The following TMEM9 variants were observed in gnomAD, a reference collection of about 807,000 sequenced individuals.
TMEM9 encodes the protein proton-transporting V-type ATPase complex assembly regulator TMEM9.
In TMEM9, 13 loss-of-function variants were observed where a neutral mutation model predicts 22.8. The observed-to-expected ratio is 0.57, with a 90% CI of 0.37 to 0.91. The LOEUF (loss-of-function observed/expected upper bound fraction) is 0.91. Ranked by LOEUF, TMEM9 falls within the 40% of genes least tolerant of loss-of-function variation. TMEM9 has a pLI of 0.01. For missense variants in TMEM9, 182 were observed against 238.1 expected, an observed-to-expected ratio of 0.76 and a Z score of 1.55; for synonymous variants, 88 against 93.0, an observed-to-expected ratio of 0.95 and a Z score of 0.31.
intron 1 of TMEM9, among the ~76,000 whole-genome samples, chr1:201,161,212 T>A (rs1665940019): frequency 6.6e-6 from 1 of 152,222 alleles, no homozygotes; most frequent in South Asian, 2.1e-4. Flanking sequence ...CATCTGGTTC[T>A]GCCTTCAGTC....
rs1409518793 is a variant in TMEM9, at chr1:201,167,285, G to A, written c.-37+4205C>T. 2.6e-5 allele frequency among the ~76,000 whole-genome samples: 4 copies of A among 152,232 alleles called. No homozygotes were observed. The East Asian group carries it at 7.7e-4, about 29-fold the overall frequency. On this transcript the variant is annotated intron_variant, in intron 1 of 5. Coordinates refer to the TMEM9 transcript ENST00000367333. The stretch of plus-strand genomic sequence containing the variant: ...TATTACTCAAATCAGTCTCTCTGAA[G>A]GCTCAGAGGTTAGGAGTTTTTCAAA...
At chr1:201,170,661 A>C (rs1478401362) in intron 1 of TMEM9, among the ~76,000 whole-genome samples, 1 of 152,212 alleles carries the variant, frequency 6.6e-6, no homozygotes, top group Non-Finnish European at 1.5e-5. Context: ...AGACTCATTA[A>C]GTCAGTGCAA....
At chr1:201,150,755 C>G (rs1339668806) in intron 2 of TMEM9, among the ~76,000 whole-genome samples, 2 of 152,198 alleles carry the variant, frequency 1.3e-5, no homozygotes, top group Non-Finnish European at 2.9e-5. Flanking sequence ...CCTCCCCTCA[C>G]CCTCACTCCG....
intron 2 of TMEM9, among the ~76,000 whole-genome samples, chr1:201,150,420 C>A (rs1242469586): frequency 6.6e-6 from 1 of 152,160 alleles, no homozygotes; most frequent in Non-Finnish European, 1.5e-5. Flanking sequence ...AGGTATTGTT[C>A]TAAGTGCTAT....
chr1:201,167,090 T>A (rs915059366), intron 1 of TMEM9, among the ~76,000 whole-genome samples: 1 of 152,264 alleles, frequency 6.6e-6, no homozygotes, highest in African/African-American at 2.4e-5. Context: ...ACAATTTGTA[T>A]AGGATAAAGT....
chr1:201,159,700 G>A (rs1193123085), intron 1 of TMEM9, among the ~76,000 whole-genome samples: 1 of 151,248 alleles, frequency 6.6e-6, no homozygotes, highest in Non-Finnish European at 1.5e-5. Context: ...GCATAAGCCC[G>A]TACGCCTGTC....
chr1:201,146,679 A>T (rs778690005), intron 3 of TMEM9, 61 bp downstream of exon 3: 101 of 1,503,636 alleles, frequency 6.7e-5, no homozygotes, highest in Non-Finnish European at 8.9e-5. Flanking sequence ...GGTGTAGGCC[A>T]GTCTGCGATT....
chr1:201,152,594 T>G (rs1191922881), intron 1 of TMEM9, among the ~76,000 whole-genome samples: 2 of 152,196 alleles, frequency 1.3e-5, no homozygotes, highest in African/African-American at 4.8e-5. Context: ...TAATGGAAAC[T>G]TCAAACTGTA....
chr1:201,151,623 G>C (rs1390096733), intron 2 of TMEM9, 138 bp downstream of exon 2: 1 of 683,912 alleles, frequency 1.5e-6, no homozygotes, highest in African/African-American at 1.8e-5. Flanking sequence ...TTGGTTCTGT[G>C]ACATGAATAA....
Position 201,154,372 on chromosome 1 carries a change from G to C in TMEM9, c.-449C>G, listed in dbSNP as rs7541591. 6,244 of 168,462 alleles carry C rather than the reference G, an allele frequency of 0.037. 410 individuals are homozygous for C. The highest frequency in any genetic ancestry group is 0.14 in the African/African-American group (5,753 of 41,656). The allele number at this position is 168,462 out of a possible 1,614,324, so 10.4% of individuals were successfully genotyped here. On this transcript the variant is annotated 5_prime_UTR_variant, in exon 1 of 5. Transcript: ENST00000367330. Reference sequence around the variant, plus strand: ...AAGGCCGGTGCCCACCACGCCCAGAGGTCTTAAGCCGGACTGGGACCCCCA... The same window carrying C: ...AAGGCCGGTGCCCACCACGCCCAGACGTCTTAAGCCGGACTGGGACCCCCA...
intron 4 of TMEM9, among the ~76,000 whole-genome samples, chr1:201,140,105 G>A (rs759608145): frequency 6.6e-6 from 1 of 152,208 alleles, no homozygotes; most frequent in Non-Finnish European, 1.5e-5. Flanking sequence ...GCTCCTCAGT[G>A]GCCCGAGTCT....
intron 4 of TMEM9, among the ~76,000 whole-genome samples, chr1:201,142,776 C>T (rs1242209063): frequency 2.6e-5 from 4 of 152,238 alleles, no homozygotes; most frequent in African/African-American, 4.8e-5. Flanking sequence ...CTTGGCTCCA[C>T]GCCTCTAAGC....
chr1:201,168,967 C>CTTTT (rs5780055), intron 1 of TMEM9, among the ~76,000 whole-genome samples: 9 of 128,566 alleles, frequency 7.0e-5, no homozygotes, highest in East Asian at 6.8e-4. Flanking sequence ...AATTATATTA[C>CTTTT]TTTTTTTTTT....
At chr1:201,165,919 G>A (rs937288330) in intron 1 of TMEM9, among the ~76,000 whole-genome samples, 2 of 152,150 alleles carry the variant, frequency 1.3e-5, no homozygotes, top group Admixed American at 1.3e-4. Flanking sequence ...AAGCAGATAC[G>A]CTGTAAGTCT....
At chr1:201,167,050 T>C (rs1183483280) in intron 1 of TMEM9, among the ~76,000 whole-genome samples, 6 of 152,226 alleles carry the variant, frequency 3.9e-5, no homozygotes, top group African/African-American at 7.2e-5. Flanking sequence ...GAGATGTATT[T>C]TTTTATTTTT....
chr1:201,155,409 G>C (rs1665758190), upstream of TMEM9, among the ~76,000 whole-genome samples: 1 of 152,220 alleles, frequency 6.6e-6, no homozygotes, highest in Non-Finnish European at 1.5e-5. Flanking sequence ...GGTCCAGGTG[G>C]AATCAAGCCC....
intron 4 of TMEM9, among the ~76,000 whole-genome samples, chr1:201,140,702 G>C (rs979974306): frequency 6.6e-6 from 1 of 152,172 alleles, no homozygotes; most frequent in Non-Finnish European, 1.5e-5. Flanking sequence ...GACTTCTGGG[G>C]CGTAGGGCCT....
At position 201,154,215 on chromosome 1, in the gene TMEM9, GC is replaced by G. The variant is rs1665668738; in HGVS notation, c.-293del. 4 of 356,352 alleles carry G rather than the reference GC, an allele frequency of 1.1e-5. No homozygotes were observed. The East Asian group carries it at 2.4e-4, about 22-fold the overall frequency. 22.1% of individuals were successfully genotyped at this position (356,352 alleles called of 1,614,324 possible). On this transcript the variant is annotated 5_prime_UTR_variant, in exon 1 of 5. It removes the in-frame stop codon of an upstream open reading frame in the 5' UTR. Transcript: ENST00000367330. ...CAGGGGCCTCCAGTTCCTTCTCAAG[GC>G]CCGGCTCTGACCCGCGCATCACGTC... is the stretch of plus-strand genomic sequence containing the variant.
intron 4 of TMEM9, among the ~76,000 whole-genome samples, chr1:201,139,737 T>C (rs905115533): frequency 6.6e-6 from 1 of 152,222 alleles, no homozygotes; most frequent in African/African-American, 2.4e-5. Flanking sequence ...TAGCGCATTC[T>C]TAAGGACGAG....
Sources: allele counts gnomAD v4.1 joint callset (sites outside exome capture counted in the v4.1 genomes callset), GRCh38; gene constraint gnomAD v4.1.1; transcripts MANE v1.5; gene names NCBI Gene and HGNC (gene_info 2026-07-23, HGNC 2026-07-21).